Variants in NME4 observed in about 807,000 individuals in gnomAD.
NME4 encodes the protein nucleoside diphosphate kinase D, mitochondrial.
A neutral mutation model predicts 16.4 loss-of-function variants in NME4; 21 were observed. That is an observed-to-expected ratio of 1.28 (90% CI 0.91 to 1.84). The LOEUF (loss-of-function observed/expected upper bound fraction) is 1.84. Among genes scored for constraint, NME4 ranks in the 40% most tolerant of loss-of-function variants. The pLI, the probability that NME4 is intolerant of heterozygous loss-of-function variation, is 0.00. For synonymous variants in NME4, 132 were observed against 107.5 expected (o/e 1.23, Z -1.41); for missense variants, 316 against 261.3 (o/e 1.21, Z -1.44).
chr16:397,848 C>T, intron 1 of NME4: 2 of 1,545,600 alleles, frequency 1.3e-6, no homozygotes, highest in Non-Finnish European at 8.7e-7. Context: ...GCCCCCCCAG[C>T]TGCCACCTCA....
At chr16:399,577 G>A in intron 3 of NME4, 50 bp from the exon 4 acceptor site, 1 of 1,593,636 alleles carries the variant, frequency 6.3e-7, no homozygotes, top group Non-Finnish European at 8.6e-7. Flanking sequence ...ATTGAGCCCA[G>A]GGGCCCTTGG....
At position 399,748 on chromosome 16, in the gene NME4, G is replaced by T. The variant is rs2054619913; in HGVS notation, c.440+9G>T. ...AGCGTCCACATCAGCAGGTACGGGG[G>T]TCCTGATACACCAGGCTGCTGCTGG... On this transcript the variant is annotated intron_variant, in intron 4 of 4. Coordinates refer to ENST00000219479, the MANE Select transcript of NME4 (RefSeq NM_005009.3). 4.4e-6 allele frequency: 7 copies of T among 1,605,762 alleles called. No individual in the cohort carries two copies. Among genetic ancestry groups the T allele is most frequent in the African/African-American group, 1.3e-5 (1 of 74,746 alleles).
At chr16:397,121 C>A (rs1381954098), upstream of NME4, 7 of 225,604 alleles carry the variant, frequency 3.1e-5, no homozygotes, top group Non-Finnish European at 4.2e-5. Flanking sequence ...CGGGGGGCTC[C>A]GGGGCGGCGG....
In NME4 at chr16:400,493, C is replaced by G. The variant is rs971156506; in HGVS notation, c.*151C>G. The G allele has an allele frequency of 8.6e-6, 8 of 930,544 alleles. No homozygotes were observed. The highest frequency in any genetic ancestry group is 3.4e-5 in the African/African-American group (2 of 59,106). 57.6% of individuals were successfully genotyped at this position (930,544 alleles called of 1,614,324 possible). ...CCCCAGCCCAGAGGAGTTTGAGCCA[C>G]CAACTTCAGTGCCTTTCTGTACCCC... On this transcript the variant is annotated 3_prime_UTR_variant, in exon 5 of 5. Coordinates refer to ENST00000219479, the MANE Select transcript of NME4 (RefSeq NM_005009.3).
Position 400,207 on chromosome 16 carries a change from G to C in NME4, c.441-12G>C, listed in dbSNP as rs1567336091. ...GAAGCCTGAGCCTCACATTGCTCCT[G>C]TCCTGGCACAGGAATGTCATCCACG... On this transcript the variant is annotated splice_polypyrimidine_tract_variant and intron_variant, in intron 4 of 4. Coordinates refer to ENST00000219479, the MANE Select transcript of NME4 (RefSeq NM_005009.3). The C allele has an allele frequency of 1.2e-6, 2 of 1,610,380 alleles. No homozygotes were observed. Among genetic ancestry groups the C allele is most frequent in the Non-Finnish European group, 1.7e-6 (2 of 1,178,392 alleles).
At chr16:399,934 T>C (rs11863625) in intron 4 of NME4, among the ~76,000 whole-genome samples, 195 bp downstream of exon 4, 72,285 of 151,962 alleles carry the variant, frequency 0.48, 18,252 homozygotes, top group African/African-American at 0.66. Context: ...GTGTTGTGTG[T>C]ACCGTGCCAT....
chr16:398,215 T>A, intron 1 of NME4: 2 of 1,459,036 alleles, frequency 1.4e-6, no homozygotes, highest in Non-Finnish European at 1.8e-6. Flanking sequence ...CAGCGTCCCC[T>A]CCAGAGGAGG....
Position 400,361 on chromosome 16 carries a change from CA to C in NME4, c.*20del. The C allele has an allele frequency of 6.3e-7, 1 of 1,593,332 alleles. No homozygotes were observed. Among genetic ancestry groups the C allele is most frequent in the Non-Finnish European group, 8.5e-7 (1 of 1,176,868 alleles). On this transcript the variant is annotated 3_prime_UTR_variant, in exon 5 of 5. Transcript: ENST00000219479. ...AGCCTGAGGCTCAAGCTGCCCTTACCACCCCATCCCCCACGCAGGACCAACT... is the reference window on the plus strand; with the variant it reads ...AGCCTGAGGCTCAAGCTGCCCTTACCCCCCATCCCCCACGCAGGACCAACT...
intron 1 of NME4, 43 bp from the exon 2 acceptor site, chr16:398,947 A>G: frequency 1.2e-6 from 2 of 1,605,106 alleles, no homozygotes; most frequent in Non-Finnish European, 1.7e-6. Flanking sequence ...TGGGGACGTG[A>G]AAGGGTGAGG....
At chr16:400,136 GC>G (rs1165989626) in intron 4 of NME4, 82 bp from the exon 5 acceptor site, 1 of 1,504,910 alleles carries the variant, frequency 6.6e-7, no homozygotes, top group Non-Finnish European at 9.1e-7. Flanking sequence ...TAGACAGAGG[GC>G]AACGGGAGCA....
At chr16:399,258 C>A in intron 2 of NME4, 121 bp from the exon 3 acceptor site, 1 of 1,414,812 alleles carries the variant, frequency 7.1e-7, no homozygotes, top group Non-Finnish European at 1.0e-6. Context: ...ATCTATTCTG[C>A]GGTGGGGGTG....
chr16:399,122 A>G lies in NME4; in HGVS notation c.224A>G (p.Gln75Arg). 1.9e-6 allele frequency: 3 copies of G among 1,594,520 alleles called. No homozygotes were observed. Among genetic ancestry groups the G allele is most frequent in the Non-Finnish European group, 2.6e-6 (3 of 1,173,868 alleles). ...GFTLVGMKML[Q>R]APESVLAEHY... ...ACGCTGGTGGGGATGAAGATGCTGC[A>G]GGTAGTGGGACTCTGGGCTTGTGGG... is the stretch of plus-strand genomic sequence containing the variant. Residue 75 changes from glutamine (Q) to arginine (R), a missense_variant and splice_region_variant, in exon 2 of 5, where the codon CAG becomes CGG. Coordinates refer to ENST00000219479, the MANE Select transcript of NME4 (RefSeq NM_005009.3).
intron 1 of NME4, among the ~76,000 whole-genome samples, chr16:397,574 C>A (rs1232627527): frequency 5.1e-5 from 5 of 97,310 alleles, no homozygotes; most frequent in Non-Finnish European, 1.0e-4. Flanking sequence ...CTGGGCGGGT[C>A]CGGGGCGACC....
At chr16:400,007 C>T in intron 4 of NME4, 2 of 753,070 alleles carry the variant, frequency 2.7e-6, no homozygotes, top group Non-Finnish European at 2.2e-6. Context: ...AAATGAGGCT[C>T]CCAAAAGCTG....
rs768855168 is a variant in NME4 at position 399,126 on chromosome 16, A to G, written c.225+3A>G. 6.3e-7 allele frequency: 1 copy of G among 1,594,964 alleles called. No individual in the cohort carries two copies. Among genetic ancestry groups the G allele is most frequent in the Non-Finnish European group, 8.5e-7 (1 of 1,173,884 alleles). The stretch of plus-strand genomic sequence containing the variant: ...TGGTGGGGATGAAGATGCTGCAGGT[A>G]GTGGGACTCTGGGCTTGTGGGTGTC... On this transcript the variant is annotated splice_donor_region_variant and intron_variant, in intron 2 of 4. Coordinates refer to ENST00000219479, the MANE Select transcript of NME4 (RefSeq NM_005009.3).
At chr16:398,936 G>C in intron 1 of NME4, 54 bp from the exon 2 acceptor site, 1 of 1,600,838 alleles carries the variant, frequency 6.2e-7, no homozygotes, top group Admixed American at 1.7e-5. Flanking sequence ...AACCCGGGTC[G>C]TGGGGACGTG....
chr16:399,370 G>A lies in NME4; in HGVS notation c.226-9G>A, dbSNP rs1567335101. ...GTCTGCGGCTCCTCCTTACCTCAAT[G>A]CCACCCAGGCACCAGAGAGCGTCCT... On this transcript the variant is annotated splice_polypyrimidine_tract_variant and intron_variant, in intron 2 of 4. Transcript: ENST00000219479. 1 of 1,612,634 alleles carries A rather than the reference G, an allele frequency of 6.2e-7. No individual in the cohort carries two copies. Among genetic ancestry groups the A allele is most frequent in the Non-Finnish European group, 8.5e-7 (1 of 1,179,718 alleles).
In NME4 at chr16:397,319, TG is replaced by T; in HGVS notation, c.91+10del. 2 of 1,031,026 alleles carry T rather than the reference TG, an allele frequency of 1.9e-6. No homozygotes were observed. The highest frequency in any genetic ancestry group is 7.0e-5 in the East Asian group (1 of 14,320). The allele number at this position is 1,031,026 out of a possible 1,614,324, so 63.9% of individuals were successfully genotyped here. Reference sequence around the variant, plus strand: ...GCTAGTGCGCCACGGCTCGGGTGAGTGGGGCCGCGCGCCCCGGCGGGGACGC... The same window carrying T: ...GCTAGTGCGCCACGGCTCGGGTGAGTGGGCCGCGCGCCCCGGCGGGGACGC... On this transcript the variant is annotated splice_region_variant and intron_variant, in intron 1 of 4. Coordinates refer to ENST00000219479, the MANE Select transcript of NME4 (RefSeq NM_005009.3).
upstream of NME4, chr16:396,872 CA>C (rs1266219189): frequency 6.6e-6 from 1 of 152,348 alleles, no homozygotes; most frequent in Admixed American, 6.5e-5. Context: ...TGCAGCGGTG[CA>C]GTCACAGCTC....
Sources: allele counts gnomAD v4.1 joint callset (sites outside exome capture counted in the v4.1 genomes callset), GRCh38; gene constraint gnomAD v4.1.1; transcripts MANE v1.5; gene names NCBI Gene and HGNC (gene_info 2026-07-23, HGNC 2026-07-21).